The following ELAC2 variants were observed in gnomAD, a reference collection of about 807,000 sequenced individuals.
ELAC2 encodes the protein elaC ribonuclease Z 2, also known as zinc phosphodiesterase ELAC protein 2.
A neutral mutation model predicts 105.2 loss-of-function variants in ELAC2; 92 were observed. The observed-to-expected ratio is 0.87, with a 90% CI of 0.74 to 1.04. ELAC2 has a LOEUF of 1.04. Ranked by LOEUF, ELAC2 falls within the 50% of genes least tolerant of loss-of-function variation. The pLI is 0.00. For missense variants in ELAC2, 1,099 were observed against 1,071.7 expected (o/e 1.03, Z -0.36); for synonymous variants, 468 against 409.1 (o/e 1.14, Z -1.74).
Position 13,015,890 on chromosome 17 carries a change from G to A in ELAC2, c.368-58C>T, listed in dbSNP as rs1025734768. 4.5e-6 allele frequency: 6 copies of A among 1,325,400 alleles called. No individual in the cohort carries two copies. In the South Asian group the frequency reaches 7.0e-5, roughly 16 times the overall value. 82.1% of individuals were successfully genotyped at this position (1,325,400 alleles called of 1,614,324 possible). A position where few individuals can be genotyped will look rare whatever the true frequency, so the allele number is the denominator to read the frequency against. On this transcript the variant is annotated intron_variant, in intron 3 of 23. Coordinates refer to ENST00000338034, the MANE Select transcript of ELAC2 (RefSeq NM_018127.7). ...CAATTTGACCTGTCGTCACTAACAG[G>A]AGGAGCACCCCGTACTAATCCAACT...
chr17:12,997,399 AT>A (rs1484135317), intron 16 of ELAC2, among the ~76,000 whole-genome samples: 1 of 152,174 alleles, frequency 6.6e-6, no homozygotes, highest in African/African-American at 2.4e-5. Context: ...GGCTGCACCC[AT>A]TTTGCAGAGA....
chr17:13,016,166 A>G (rs1480654360), intron 3 of ELAC2, among the ~76,000 whole-genome samples: 1 of 152,180 alleles, frequency 6.6e-6, no homozygotes, highest in East Asian at 1.9e-4. Context: ...CTGGTCTAAC[A>G]CTTCACTCCT....
intron 12 of ELAC2, 172 bp downstream of exon 12, chr17:13,003,307 G>A (rs140183606): frequency 4.4e-6 from 3 of 681,792 alleles, no homozygotes; most frequent in Admixed American, 2.2e-5. Flanking sequence ...TTTTCTTCAC[G>A]AGTGTAGCAC....
intron 3 of ELAC2, 115 bp downstream of exon 3, chr17:13,016,745 CAA>C (rs879009279): frequency 0.052 from 31,613 of 610,024 alleles, no homozygotes; most frequent in East Asian, 0.064. Context: ...ACGCCACTGA[CAA>C]AAAAAAAAAA....
chr17:13,005,724 TG>T, intron 10 of ELAC2, 28 bp downstream of exon 10: 4 of 1,601,490 alleles, frequency 2.5e-6, no homozygotes, highest in Non-Finnish European at 3.4e-6. Context: ...TACCTGTAAC[TG>T]CTGAATCAAG....
chr17:13,015,737 G>C (rs762074702), intron 4 of ELAC2, 31 bp downstream of exon 4: 1 of 1,580,530 alleles, frequency 6.3e-7, no homozygotes, highest in Admixed American at 1.7e-5. Flanking sequence ...AGGAAAGATT[G>C]CTTTTGAAAG....
At chr17:13,014,349 A>T in intron 5 of ELAC2, 90 bp downstream of exon 5, 26 of 762,146 alleles carry the variant, frequency 3.4e-5, no homozygotes, top group Non-Finnish European at 6.0e-5. Flanking sequence ...TTGAGGTTTG[A>T]TGTTGATGTT....
At chr17:13,008,466 C>T (rs1449239530) in intron 8 of ELAC2, among the ~76,000 whole-genome samples, 3 of 150,488 alleles carry the variant, frequency 2.0e-5, no homozygotes, top group South Asian at 4.2e-4. Flanking sequence ...GAGCCAAGAT[C>T]GCACCACTGC....
rs4792308 is a variant in ELAC2 at position 12,996,409 on chromosome 17, A to G, written c.1659+138T>C. On this transcript the variant is annotated intron_variant, in intron 17 of 23. Coordinates refer to ENST00000338034, the MANE Select transcript of ELAC2 (RefSeq NM_018127.7). ...AAGGACTATGTTGAGTTTTGCAAAA[A>G]ACCATTTCCTAGCCAGAGATGAGTA... 0.29 allele frequency: 384,316 copies of G among 1,344,164 alleles called. 57,314 individuals carry two copies. Among genetic ancestry groups the G allele is most frequent in the Middle Eastern group, 0.34 (1,910 of 5,616 alleles). The allele number at this position is 1,344,164 out of a possible 1,614,324, so 83.3% of individuals were successfully genotyped here. A position where few individuals can be genotyped will look rare whatever the true frequency, so the allele number is the denominator to read the frequency against.
At chr17:13,006,472 T>G (rs1567760781) in intron 8 of ELAC2, 1 of 177,910 alleles carries the variant, frequency 5.6e-6, no homozygotes, top group Non-Finnish European at 1.2e-5. Context: ...AGTCATTTAT[T>G]GTCAAATGCT....
intron 6 of ELAC2, among the ~76,000 whole-genome samples, chr17:13,012,889 G>C (rs1285082825): frequency 1.3e-5 from 2 of 152,116 alleles, no homozygotes; most frequent in African/African-American, 4.8e-5. Flanking sequence ...ATGATCGTCT[G>C]ATCAAAAGAG....
intron 1 of ELAC2, chr17:13,017,363 G>A: frequency 1.6e-6 from 1 of 625,396 alleles, no homozygotes; most frequent in Non-Finnish European, 2.8e-6. Flanking sequence ...CTCCACCACC[G>A]GCTACACACC....
intron 11 of ELAC2, 168 bp from the exon 12 acceptor site, chr17:13,003,742 C>T (rs1598230897): frequency 1.6e-5 from 10 of 637,050 alleles, no homozygotes; most frequent in South Asian, 7.1e-5. Context: ...CGGCAGACCC[C>T]GGTGCTGGGC....
chr17:13,002,177 G>C, intron 14 of ELAC2, 97 bp downstream of exon 14: 6 of 1,304,610 alleles, frequency 4.6e-6, no homozygotes, highest in Non-Finnish European at 6.5e-6. Flanking sequence ...AGACCATATG[G>C]TCTGGAGAGC....
intron 12 of ELAC2, 149 bp from the exon 13 acceptor site, chr17:13,002,728 T>C (rs1347252919): frequency 6.3e-6 from 8 of 1,274,536 alleles, no homozygotes; most frequent in African/African-American, 1.5e-5. Flanking sequence ...TGGCCAAACA[T>C]GGTCCCACTC....
rs2041764300 is a variant in ELAC2, at chr17:13,016,927, T to A, written c.302A>T (p.Lys101Met). Residue 101 changes from lysine (K) to methionine (M), a missense_variant, in exon 3 of 24, where the codon AAG becomes ATG. Coordinates refer to ENST00000338034, the MANE Select transcript of ELAC2 (RefSeq NM_018127.7). The stretch of plus-strand genomic sequence containing the variant: ...GAATATGTTGTCCAGGCGAGCAACC[T>A]TTAACCTAAGAATGAAAAAACATTT... ...VQRLMQEHKL[K>M]VARLDNIFLT... 1 of 1,614,038 alleles carries A rather than the reference T, an allele frequency of 6.2e-7. No individual in the cohort carries two copies. The highest frequency in any genetic ancestry group is 8.5e-7 in the Non-Finnish European group (1 of 1,179,996).
At chr17:13,017,481 A>T (rs1172582573) in intron 1 of ELAC2, 1 of 975,594 alleles carries the variant, frequency 1.0e-6, no homozygotes, top group African/African-American at 1.6e-5. Flanking sequence ...AAGGGTTGGG[A>T]AAAGGACGCT....
intron 6 of ELAC2, among the ~76,000 whole-genome samples, chr17:13,012,979 T>A (rs2041502873): frequency 6.6e-6 from 1 of 152,200 alleles, no homozygotes; most frequent in Non-Finnish European, 1.5e-5. Context: ...CAGTGCTTGA[T>A]TATCTAATAT....
At chr17:13,017,587 C>T (rs2041816276) in intron 1 of ELAC2, 116 bp downstream of exon 1, 1 of 1,547,772 alleles carries the variant, frequency 6.5e-7, no homozygotes, top group Non-Finnish European at 8.7e-7. Flanking sequence ...CGAACCCCCG[C>T]AACAGTGAAC....
Sources: allele counts gnomAD v4.1 joint callset (sites outside exome capture counted in the v4.1 genomes callset), GRCh38; gene constraint gnomAD v4.1.1; transcripts MANE v1.5; gene names NCBI Gene and HGNC (gene_info 2026-07-23, HGNC 2026-07-21).